NLRP14: variants seen among roughly 807,000 people sequenced by gnomAD.
NLRP14 encodes the protein NLR family pyrin domain containing 14.
NLRP14 carries 105 observed loss-of-function variants against 94.7 expected under a neutral mutation model. The ratio of observed to expected loss-of-function variants is 1.11; its 90% CI spans 0.95 to 1.30. The LOEUF (loss-of-function observed/expected upper bound fraction) is 1.30. Ranked by LOEUF, NLRP14 falls within the 50% of genes most tolerant of loss-of-function variation. The pLI, the probability that NLRP14 is intolerant of heterozygous loss-of-function variation, is 0.00. For missense variants in NLRP14, 1,362 were observed against 1,254.1 expected, an observed-to-expected ratio of 1.09 and a Z score of -1.30; for synonymous variants, 508 against 459.9, an observed-to-expected ratio of 1.10 and a Z score of -1.34.
At chr11:7,056,951 T>G (rs1341830652) in intron 6 of NLRP14, among the ~76,000 whole-genome samples, 1 of 151,942 alleles carries the variant, frequency 6.6e-6, no homozygotes, top group African/African-American at 2.4e-5. Context: ...AGACCCTGAT[T>G]TTGATGACGA....
chr11:7,079,668 C>T, the NLRP14 span, among the ~76,000 whole-genome samples: 2 of 152,166 alleles, frequency 1.3e-5, no homozygotes, highest in Non-Finnish European at 2.9e-5. Flanking sequence ...GAAGAACTAG[C>T]ACTGAGACAA....
Position 7,042,739 on chromosome 11 carries a change from C to G in NLRP14, c.713C>G (p.Pro238Arg), listed in dbSNP as rs1365191541. The change falls in exon 4 of 12, where the codon CCC becomes CGC. Residue 238 changes from proline (P) to arginine (R), a missense_variant. Transcript: ENST00000299481. ...SFAQLISKDW[P>R]STEGPIEEIM... ...GCTCAATTGATATCAAAGGACTGGC[C>G]CAGCACAGAAGGCCCCATTGAAGAA... 1 of 1,614,138 alleles carries G rather than the reference C, an allele frequency of 6.2e-7. No individual in the cohort carries two copies. The highest frequency in any genetic ancestry group is 1.7e-5 in the Admixed American group (1 of 60,022).
chr11:7,022,364 G>T (rs1177480762), intron 1 of NLRP14, among the ~76,000 whole-genome samples: 7 of 152,218 alleles, frequency 4.6e-5, no homozygotes, highest in Non-Finnish European at 1.0e-4. Context: ...GATAGCCCAA[G>T]TTCCTAGTCC....
At chr11:7,033,607 A>G (rs1301769304) in intron 1 of NLRP14, among the ~76,000 whole-genome samples, 1 of 152,192 alleles carries the variant, frequency 6.6e-6, no homozygotes, top group African/African-American at 2.4e-5. Context: ...AACAGTTTTA[A>G]AGTGGTTTTA....
the NLRP14 span, among the ~76,000 whole-genome samples, chr11:7,081,858 AAC>A: frequency 6.6e-6 from 1 of 152,180 alleles, no homozygotes; most frequent in African/African-American, 2.4e-5. Context: ...TCAGTGATTA[AAC>A]ACAACCTCTA....
intron 1 of NLRP14, among the ~76,000 whole-genome samples, chr11:7,035,120 T>A (rs759088339): frequency 4.7e-5 from 7 of 149,706 alleles, no homozygotes; most frequent in Non-Finnish European, 8.9e-5. Flanking sequence ...GGTGAAACCC[T>A]GTCTCTACTA....
At chr11:7,065,127 G>GC (rs1164451987) in intron 10 of NLRP14, among the ~76,000 whole-genome samples, 2 of 151,914 alleles carry the variant, frequency 1.3e-5, no homozygotes, top group African/African-American at 4.8e-5. Flanking sequence ...CATATGTACT[G>GC]CCCCCCAACC....
At chr11:7,065,332 T>A (rs1852689171) in intron 10 of NLRP14, among the ~76,000 whole-genome samples, 1 of 152,136 alleles carries the variant, frequency 6.6e-6, no homozygotes, top group South Asian at 2.1e-4. Flanking sequence ...TGTAAATGAT[T>A]GTTTTAGTTA....
chr11:7,032,078 A>G lies in NLRP14; in HGVS notation c.-21-6488A>G, dbSNP rs548734659. ...GCATTCATTTCTTTAACTTTTTGGA[A>G]TTTGGCAAATGGATATTGCCTTTTT... On this transcript the variant is annotated intron_variant, in intron 1 of 11. Coordinates refer to ENST00000299481, the MANE Select transcript of NLRP14 (RefSeq NM_176822.4). Among the ~76,000 whole-genome samples, 7 of 152,308 alleles carry G rather than the reference A, an allele frequency of 4.6e-5. No homozygotes were observed. The East Asian group carries it at 1.4e-3, about 29-fold the overall frequency.
At chr11:7,058,540 C>A in intron 8 of NLRP14, 90 bp downstream of exon 8, 1 of 1,004,340 alleles carries the variant, frequency 1.0e-6, no homozygotes, top group South Asian at 1.4e-5. Flanking sequence ...CATTCTGTCC[C>A]TTGCTTTTTC....
chr11:7,052,473 A>C (rs987305168), intron 6 of NLRP14, among the ~76,000 whole-genome samples: 3 of 152,176 alleles, frequency 2.0e-5, no homozygotes, highest in African/African-American at 7.2e-5. Flanking sequence ...TCTCTACTAA[A>C]AATACAAAAA....
chr11:7,043,433 C>T lies in NLRP14; in HGVS notation c.1407C>T (p.Asp469=), dbSNP rs186808803. 1.0e-4 allele frequency: 169 copies of T among 1,614,106 alleles called. 1 individual carries two copies. Among genetic ancestry groups the T allele is most frequent in the Admixed American group, 6.2e-4 (37 of 60,014 alleles). The change falls in exon 4 of 12, where the codon GAC becomes GAT. Residue 469 remains aspartate (D), a synonymous_variant. Transcript: ENST00000299481. The part of the protein sequence containing the change: ...SFMDSNIIQK[D]AEYENCYVFT... ...TGGACAGCAATATTATTCAGAAGGA[C>T]GCAGAGTATGAAAACTGCTATGTGT...
At chr11:7,065,881 C>T (rs1175315222) in intron 10 of NLRP14, among the ~76,000 whole-genome samples, 3 of 152,152 alleles carry the variant, frequency 2.0e-5, no homozygotes, top group East Asian at 3.9e-4. Flanking sequence ...CCAACAGGCC[C>T]TGGTATGTGA....
chr11:7,022,332 C>T (rs1450351999), intron 1 of NLRP14, among the ~76,000 whole-genome samples: 1 of 152,164 alleles, frequency 6.6e-6, no homozygotes, highest in African/African-American at 2.4e-5. Context: ...AGTGAAGAAA[C>T]TGCCTTGCAT....
chr11:7,041,347 A>G (rs961516833), intron 3 of NLRP14, among the ~76,000 whole-genome samples: 1 of 152,186 alleles, frequency 6.6e-6, no homozygotes, highest in Non-Finnish European at 1.5e-5. Context: ...CCCCATCCCC[A>G]ATCCTACTAT....
At chr11:7,029,940 T>C (rs1486852189) in intron 1 of NLRP14, among the ~76,000 whole-genome samples, 1 of 152,082 alleles carries the variant, frequency 6.6e-6, no homozygotes, top group Admixed American at 6.5e-5. Flanking sequence ...TTGCCTAGAG[T>C]GTACATTTTC....
At chr11:7,090,481 T>C in the NLRP14 span, 3 of 815,252 alleles carry the variant, frequency 3.7e-6, no homozygotes, top group South Asian at 3.6e-5. Context: ...ATTCGTTTAG[T>C]TTAGTTTTGG....
At chr11:7,087,911 G>C in the NLRP14 span, among the ~76,000 whole-genome samples, 4 of 152,278 alleles carry the variant, frequency 2.6e-5, no homozygotes, top group South Asian at 8.3e-4. Context: ...CATAAAAAAG[G>C]TATTCACCAG....
rs1220903903 is a variant in NLRP14, at chr11:7,042,911, A to G, written c.885A>G (p.Lys295=). The change falls in exon 4 of 12, where the codon AAA becomes AAG. Residue 295 remains lysine, a synonymous_variant. Coordinates refer to ENST00000299481, the MANE Select transcript of NLRP14 (RefSeq NM_176822.4). ...TCCTCATGAGTAGTTTGCTGAGGAA[A>G]GTGATGCTCCCTGAGGCATCCTTAT... ...VSFLMSSLLR[K]VMLPEASLLV... The G allele has an allele frequency of 6.2e-7, 1 of 1,614,176 alleles. No individual in the cohort carries two copies. Among genetic ancestry groups the G allele is most frequent in the East Asian group, 2.2e-5 (1 of 44,884 alleles).
Sources: gnomAD v4.1 joint callset for allele counts (sites outside exome capture counted in the v4.1 genomes callset) on GRCh38, gnomAD v4.1.1 for gene constraint, MANE v1.5 for transcripts, NCBI Gene and HGNC (gene_info 2026-07-23, HGNC 2026-07-21) for gene names.